RB1: variants seen among roughly 807,000 people sequenced by gnomAD.
RB1 encodes retinoblastoma-associated protein.
A neutral mutation model predicts 135.4 loss-of-function variants in RB1; 18 were observed. The ratio of observed to expected loss-of-function variants is 0.13; its 90% CI spans 0.09 to 0.20. The LOEUF (loss-of-function observed/expected upper bound fraction) is 0.20, where lower values mean the gene tolerates loss of function less well. RB1 is among the 10% of genes least tolerant of loss of function. RB1 has a pLI of 1.00. For synonymous variants in RB1, 365 were observed against 373.2 expected, an observed-to-expected ratio of 0.98 and a Z score of 0.25; for missense variants, 868 against 1,110.0, an observed-to-expected ratio of 0.78 and a Z score of 3.10.
chr13:48,328,827 A>T (rs963889719), intron 2 of RB1, among the ~76,000 whole-genome samples: 2 of 152,178 alleles, frequency 1.3e-5, no homozygotes, highest in African/African-American at 4.8e-5. Flanking sequence ...ATGAGTTAGG[A>T]TATCTTTAAG....
intron 2 of RB1, among the ~76,000 whole-genome samples, chr13:48,335,742 A>T (rs1266017818): frequency 6.6e-6 from 1 of 152,018 alleles, no homozygotes; most frequent in East Asian, 1.9e-4. Flanking sequence ...TGCTATCCTG[A>T]GTCCTTTTCA....
intron 8 of RB1, 121 bp downstream of exon 8, chr13:48,363,078 T>G (rs1952658103): frequency 2.1e-5 from 25 of 1,210,238 alleles, no homozygotes; most frequent in Middle Eastern, 2.6e-4. Context: ...CTAACTCTTT[T>G]GCAGTAGCAA....
chr13:48,357,543 C>T lies in RB1; in HGVS notation c.608-2474C>T, dbSNP rs150638878. Among the ~76,000 whole-genome samples the T allele has an allele frequency of 1.3e-4, 20 of 152,064 alleles. No homozygotes were observed. The East Asian group carries it at 3.9e-3, about 29-fold the overall frequency. On this transcript the variant is annotated intron_variant, in intron 6 of 26. Coordinates refer to ENST00000267163, the MANE Select transcript of RB1 (RefSeq NM_000321.3). ...ATTGAGAATAGCAAATGGATTTTAA[C>T]CCTCCTGCTAACCCAGATCAATTGC...
At chr13:48,477,303 G>A (rs375155984) in intron 25 of RB1, 52 bp from the exon 26 acceptor site, 2 of 1,382,330 alleles carry the variant, frequency 1.4e-6, no homozygotes, top group Non-Finnish European at 1.0e-6. Context: ...GGAAATTTGA[G>A]TTTTCCATTT....
At chr13:48,409,563 C>T (rs1336908385) in intron 17 of RB1, among the ~76,000 whole-genome samples, 2 of 136,958 alleles carry the variant, frequency 1.5e-5, no homozygotes, top group Non-Finnish European at 3.1e-5. Flanking sequence ...CTTTGGAGAA[C>T]TGCTTGATTT....
chr13:48,347,755 G>A (rs1161554040), intron 4 of RB1, 70 bp from the exon 5 acceptor site: 5 of 1,016,918 alleles, frequency 4.9e-6, no homozygotes, highest in African/African-American at 3.2e-5. Context: ...GATAAATAAA[G>A]CATGAGAAAA....
chr13:48,443,067 A>AT (rs755050332), intron 17 of RB1, among the ~76,000 whole-genome samples: 22 of 152,050 alleles, frequency 1.4e-4, no homozygotes, highest in Admixed American at 1.1e-3. Flanking sequence ...TTTGAAACAC[A>AT]TTTTAAAATG....
chr13:48,383,057 TTAAAG>T (rs1458391255), intron 17 of RB1, among the ~76,000 whole-genome samples: 1 of 152,178 alleles, frequency 6.6e-6, no homozygotes, highest in African/African-American at 2.4e-5. Context: ...ACAGAATTCT[TTAAAG>T]TATTTAGATA....
chr13:48,418,505 CATA>C (rs1006131256), intron 17 of RB1, among the ~76,000 whole-genome samples: 1 of 152,132 alleles, frequency 6.6e-6, no homozygotes, highest in African/African-American at 2.4e-5. Flanking sequence ...TGGCTAGCAT[CATA>C]ATGACAGGAT....
rs78182788 is a variant in RB1 at position 48,371,118 on chromosome 13, T to C, written c.1128-2287T>C. Among the ~76,000 whole-genome samples the C allele has an allele frequency of 1.0e-2, 1,516 of 152,300 alleles. 36 individuals carry two copies. Among genetic ancestry groups the C allele is most frequent in the African/African-American group, 0.035 (1,438 of 41,560 alleles). On this transcript the variant is annotated intron_variant, in intron 11 of 26. Coordinates refer to ENST00000267163, the MANE Select transcript of RB1 (RefSeq NM_000321.3). ...AGTCACAGGAGAGGAGAGTGGGTAC[T>C]AGATATGAAGGGCCTTATATGCCAT...
At chr13:48,407,257 G>T (rs754720568) in intron 17 of RB1, among the ~76,000 whole-genome samples, 3 of 152,176 alleles carry the variant, frequency 2.0e-5, no homozygotes, top group African/African-American at 4.8e-5. Flanking sequence ...CCCTTCTGGG[G>T]CTCTATCTTT....
intron 17 of RB1, among the ~76,000 whole-genome samples, chr13:48,428,674 C>G (rs1226152290): frequency 6.6e-6 from 1 of 152,144 alleles, no homozygotes; most frequent in African/African-American, 2.4e-5. Flanking sequence ...CATTTTCATC[C>G]TTCTGTAGAT....
intron 2 of RB1, among the ~76,000 whole-genome samples, chr13:48,332,408 A>C (rs1281587613): frequency 6.6e-6 from 1 of 152,180 alleles, no homozygotes; most frequent in Admixed American, 6.5e-5. Flanking sequence ...ATCTCTACGA[A>C]AAATTAAAAA....
chr13:48,319,823 C>T lies in RB1; in HGVS notation c.264+12417C>T. ...TCTATTTCCGCCTTAATGCTCTGCTCGAAGGAGTCGTTGCTGCTCGCTCTG... is the reference window on the plus strand; with the variant it reads ...TCTATTTCCGCCTTAATGCTCTGCTTGAAGGAGTCGTTGCTGCTCGCTCTG... On this transcript the variant is annotated intron_variant, in intron 2 of 26. Transcript: ENST00000267163. The surrounding 1 kb of genome is among the most constrained non-coding windows in gnomAD (Gnocchi z 5.0). 3.1e-6 allele frequency: 1 copy of T among 318,414 alleles called. No individual in the cohort carries two copies. Among genetic ancestry groups the T allele is most frequent in the South Asian group, 3.9e-5 (1 of 25,926 alleles). The allele number at this position is 318,414 out of a possible 1,614,324, so 19.7% of individuals were successfully genotyped here.
chr13:48,412,160 A>T (rs1318676400), intron 17 of RB1: 1 of 1,614,006 alleles, frequency 6.2e-7, no homozygotes, highest in South Asian at 1.1e-5. Flanking sequence ...AAATCTTACA[A>T]AGTAAATCTC....
At chr13:48,408,596 G>T (rs535519915) in intron 17 of RB1, 1 of 152,174 alleles carries the variant, frequency 6.6e-6, no homozygotes, top group East Asian at 1.9e-4. Context: ...GGGAAGGGAA[G>T]AGAAAACCCT....
intron 17 of RB1, among the ~76,000 whole-genome samples, chr13:48,423,713 T>C (rs1949041236): frequency 6.6e-6 from 1 of 152,136 alleles, no homozygotes; most frequent in Admixed American, 6.6e-5. Context: ...TGAGAGAGTA[T>C]GTGAGACTTA....
At chr13:48,450,428 C>A (rs527590004) in intron 17 of RB1, among the ~76,000 whole-genome samples, 2 of 152,052 alleles carry the variant, frequency 1.3e-5, no homozygotes, top group African/African-American at 4.8e-5. Flanking sequence ...AATGCTTTCT[C>A]CATTGCTTGT....
chr13:48,338,946 C>G (rs535212038), intron 2 of RB1, among the ~76,000 whole-genome samples: 3 of 152,202 alleles, frequency 2.0e-5, no homozygotes, highest in South Asian at 4.1e-4. Context: ...GACTCCAGAC[C>G]CTGTTTGCCT....
Sources: allele counts gnomAD v4.1 joint callset (sites outside exome capture counted in the v4.1 genomes callset), GRCh38; gene constraint gnomAD v4.1.1; non-coding constraint Gnocchi (gnomAD v3.1); transcripts MANE v1.5; gene names NCBI Gene and HGNC (gene_info 2026-07-23, HGNC 2026-07-21).